The following MEI4 variants were observed in gnomAD, a reference collection of about 807,000 sequenced individuals.
The protein encoded by MEI4 is meiotic double-stranded break formation protein 4, also known as meiosis-specific protein MEI4.
In MEI4, 27 loss-of-function variants were observed where a neutral mutation model predicts 31.4. The observed-to-expected ratio is 0.86, with a 90% CI of 0.63 to 1.19. The LOEUF (loss-of-function observed/expected upper bound fraction) is 1.19. Among genes scored for constraint, MEI4 ranks in the 50% most tolerant of loss-of-function variants. MEI4 has a pLI of 0.00. For missense variants in MEI4, 329 were observed against 398.9 expected, an observed-to-expected ratio of 0.82 and a Z score of 1.49; for synonymous variants, 122 against 145.4, an observed-to-expected ratio of 0.84 and a Z score of 1.16.
At chr6:77,691,751 G>A (rs961054367) in intron 2 of MEI4, among the ~76,000 whole-genome samples, 2 of 151,976 alleles carry the variant, frequency 1.3e-5, no homozygotes, top group African/African-American at 4.8e-5. Context: ...CCTTGTGAGG[G>A]TGAAAGGAAG....
Position 77,679,205 on chromosome 6 carries a change from A to C in MEI4, c.-14-11453A>C, listed in dbSNP as rs9443432. Reference sequence around the variant, plus strand: ...AGTGTCCAGTATTTATAAAGTTGACAGTAGTATACAGTAATGTGCTAGGCC... The same window carrying C: ...AGTGTCCAGTATTTATAAAGTTGACCGTAGTATACAGTAATGTGCTAGGCC... On this transcript the variant is annotated intron_variant, in intron 1 of 4. Coordinates refer to ENST00000684080, the MANE Select transcript of MEI4 (RefSeq NM_001322247.2). Among the ~76,000 whole-genome samples the C allele has an allele frequency of 6.9e-3, 1,057 of 152,350 alleles. 13 individuals carry two copies. The highest frequency in any genetic ancestry group is 0.024 in the African/African-American group (998 of 41,580).
At chr6:77,812,886 A>G (rs1421123924) in intron 3 of MEI4, among the ~76,000 whole-genome samples, 3 of 151,936 alleles carry the variant, frequency 2.0e-5, no homozygotes, top group Non-Finnish European at 4.4e-5. Flanking sequence ...AAGTATCTCC[A>G]AAGGGGAAAA....
rs537130205 is a variant in MEI4 at position 77,709,184 on chromosome 6, T to A, written c.232+18281T>A. On this transcript the variant is annotated intron_variant, in intron 2 of 4. Coordinates refer to ENST00000684080, the MANE Select transcript of MEI4 (RefSeq NM_001322247.2). ...AATACATTCAGACTATGTCAGCTAT[T>A]TTTTTGTGCTTCAAAGTACACAAGA... Among the ~76,000 whole-genome samples the A allele has an allele frequency of 1.6e-4, 24 of 152,322 alleles. No individual in the cohort carries two copies. The South Asian group carries it at 2.9e-3, about 18-fold the overall frequency.
intron 2 of MEI4, among the ~76,000 whole-genome samples, chr6:77,750,421 G>A (rs895358374): frequency 6.6e-6 from 1 of 152,134 alleles, no homozygotes; most frequent in Admixed American, 6.5e-5. Context: ...AAGGGATGGA[G>A]GAATATTTAC....
chr6:77,776,317 G>T (rs573169355), intron 3 of MEI4, among the ~76,000 whole-genome samples: 1 of 151,914 alleles, frequency 6.6e-6, no homozygotes, highest in South Asian at 2.1e-4. Flanking sequence ...TATTAATTTT[G>T]ACTCTTACCC....
At chr6:77,655,603 GT>G (rs1157180746) in intron 1 of MEI4, among the ~76,000 whole-genome samples, 1 of 152,044 alleles carries the variant, frequency 6.6e-6, no homozygotes, top group Non-Finnish European at 1.5e-5. Context: ...AGGTAAAATA[GT>G]TTACAAATTT....
At chr6:77,734,286 G>C (rs868530139) in intron 2 of MEI4, among the ~76,000 whole-genome samples, 1 of 151,336 alleles carries the variant, frequency 6.6e-6, no homozygotes, top group African/African-American at 2.5e-5. Context: ...GTCACTCAGG[G>C]CTTGCTTTAT....
intron 1 of MEI4, among the ~76,000 whole-genome samples, chr6:77,660,621 A>G (rs1768487216): frequency 6.6e-6 from 1 of 152,062 alleles, no homozygotes; most frequent in African/African-American, 2.4e-5. Flanking sequence ...TAGGGTAAGG[A>G]CAAAAAGACC....
At chr6:77,700,783 C>A (rs1766199543) in intron 2 of MEI4, among the ~76,000 whole-genome samples, 1 of 152,190 alleles carries the variant, frequency 6.6e-6, no homozygotes. Flanking sequence ...TCTGCTATTT[C>A]TTTATTCTTG....
chr6:77,746,187 GT>G (rs899749156), intron 2 of MEI4, among the ~76,000 whole-genome samples: 1 of 152,132 alleles, frequency 6.6e-6, no homozygotes, highest in Non-Finnish European at 1.5e-5. Context: ...CCAGGAGCCG[GT>G]TTTTTGAAAG....
At chr6:77,790,254 G>T (rs576794079) in intron 3 of MEI4, among the ~76,000 whole-genome samples, 168 of 125,898 alleles carry the variant, frequency 1.3e-3, no homozygotes, top group African/African-American at 4.4e-3. Flanking sequence ...GCCTGTTGTG[G>T]GGTGGGGGGA....
At chr6:77,916,248 A>T (rs1054809473) in intron 4 of MEI4, among the ~76,000 whole-genome samples, 2 of 151,580 alleles carry the variant, frequency 1.3e-5, no homozygotes, top group Non-Finnish European at 2.9e-5. Flanking sequence ...TTTTTCCAGG[A>T]TTTCATAAAT....
chr6:77,706,245 C>T (rs1766331096), intron 2 of MEI4, among the ~76,000 whole-genome samples: 1 of 152,122 alleles, frequency 6.6e-6, no homozygotes, highest in African/African-American at 2.4e-5. Context: ...ATTCTCTGAC[C>T]TACCTTATCT....
intron 4 of MEI4, among the ~76,000 whole-genome samples, chr6:77,853,323 T>C (rs1204250344): frequency 1.3e-5 from 2 of 152,206 alleles, no homozygotes; most frequent in Admixed American, 1.3e-4. Flanking sequence ...AAATAAAAGA[T>C]AATCTAGACC....
At chr6:77,831,553 T>C in intron 4 of MEI4, among the ~76,000 whole-genome samples, 1 of 151,372 alleles carries the variant, frequency 6.6e-6, no homozygotes, top group African/African-American at 2.4e-5. Flanking sequence ...TCTCTCTCTA[T>C]ATATAATGGA....
chr6:77,790,142 A>G (rs1219914729), intron 3 of MEI4, among the ~76,000 whole-genome samples: 4 of 151,644 alleles, frequency 2.6e-5, no homozygotes. Flanking sequence ...ATTCTCAGCA[A>G]AGTATCACAA....
At chr6:77,745,905 A>T (rs570752019) in intron 2 of MEI4, among the ~76,000 whole-genome samples, 9 of 152,350 alleles carry the variant, frequency 5.9e-5, no homozygotes, top group East Asian at 5.8e-4. Flanking sequence ...AGAAATAAAG[A>T]TGTTCTTTGA....
chr6:77,873,029 T>C (rs898051147), intron 4 of MEI4, among the ~76,000 whole-genome samples: 1 of 151,536 alleles, frequency 6.6e-6, no homozygotes, highest in Non-Finnish European at 1.5e-5. Context: ...TGAATAGTGC[T>C]GCAATAAACA....
At chr6:77,797,176 C>T (rs1328267922) in intron 3 of MEI4, among the ~76,000 whole-genome samples, 1 of 152,158 alleles carries the variant, frequency 6.6e-6, no homozygotes, top group Non-Finnish European at 1.5e-5. Flanking sequence ...TCACACCATA[C>T]TCATAAATTA....
Sources: gnomAD v4.1 joint callset for allele counts (sites outside exome capture counted in the v4.1 genomes callset) on GRCh38, gnomAD v4.1.1 for gene constraint, MANE v1.5 for transcripts, NCBI Gene and HGNC (gene_info 2026-07-23, HGNC 2026-07-21) for gene names.